Variants in PCDH17 observed in about 807,000 individuals in gnomAD.
The protein encoded by PCDH17 is protocadherin 17.
Under a neutral mutation model 67.7 loss-of-function variants are expected in PCDH17, and 21 were observed. The observed-to-expected ratio is 0.31, with a 90% CI of 0.22 to 0.45. PCDH17 has a LOEUF of 0.45. PCDH17 is among the 20% of genes least tolerant of loss of function. The probability of loss-of-function intolerance (pLI) is 1.00; values close to 1 mark genes in which losing one functional copy is unlikely to be tolerated. For missense variants in PCDH17, 1,471 were observed against 1,564.8 expected (o/e 0.94, Z 1.01); for synonymous variants, 701 against 656.7 (o/e 1.07, Z -1.03).
At chr13:57,721,691 A>G (rs1955873041) in intron 3 of PCDH17, among the ~76,000 whole-genome samples, 1 of 151,898 alleles carries the variant, frequency 6.6e-6, no homozygotes, top group African/African-American at 2.4e-5. Context: ...CTCCCTCCAC[A>G]CTACACTCTC....
chr13:57,651,845 A>ATTG (rs974820195), intron 1 of PCDH17, among the ~76,000 whole-genome samples: 1 of 152,086 alleles, frequency 6.6e-6, no homozygotes, highest in Non-Finnish European at 1.5e-5. Flanking sequence ...ACATATTATT[A>ATTG]TTGTTGTTAA....
rs1954762475 is a variant in PCDH17, at chr13:57,633,524, G to A, written c.978G>A (p.Leu326=). The change falls in exon 1 of 4, where the codon CTG becomes CTA. Residue 326 remains leucine (L), a synonymous_variant. Transcript: ENST00000377918. The surrounding 1 kb of genome is among the most constrained non-coding windows in gnomAD (Gnocchi z 6.2). ...MLEIDVQARD[L]GPNPIPAHCK... ...AGATTGACGTGCAGGCCCGAGACCT[G>A]GGGCCTAACCCTATCCCAGCCCACT... 6.2e-7 allele frequency: 1 copy of A among 1,613,742 alleles called. No individual in the cohort carries two copies. Among genetic ancestry groups the A allele is most frequent in the Non-Finnish European group, 8.5e-7 (1 of 1,180,030 alleles).
At chr13:57,643,408 A>G (rs1472175126) in intron 1 of PCDH17, among the ~76,000 whole-genome samples, 1 of 151,678 alleles carries the variant, frequency 6.6e-6, no homozygotes, top group Admixed American at 6.6e-5. Flanking sequence ...TACATTTTAT[A>G]TAAATTATTA....
At position 57,729,136 on chromosome 13, in the gene PCDH17, C is replaced by T. The variant is rs1371881640; in HGVS notation, c.*3842C>T. The T allele has an allele frequency of 1.3e-5, 2 of 152,052 alleles. No homozygotes were observed. The highest frequency in any genetic ancestry group is 4.8e-5 in the African/African-American group (2 of 41,408). The allele number at this position is 152,052 out of a possible 1,614,324, so 9.4% of individuals were successfully genotyped here. A position where few individuals can be genotyped will look rare whatever the true frequency, so the allele number is the denominator to read the frequency against. The stretch of plus-strand genomic sequence containing the variant: ...CAGTGTTTTGCAGGTTGGCTATTTC[C>T]ATTATCAGCCCATCACTCCATAAAG... On this transcript the variant is annotated 3_prime_UTR_variant, in exon 4 of 4. Transcript: ENST00000377918.
intron 3 of PCDH17, among the ~76,000 whole-genome samples, chr13:57,712,211 T>G (rs555269980): frequency 6.6e-6 from 1 of 151,742 alleles, no homozygotes; most frequent in South Asian, 2.1e-4. Flanking sequence ...ATTTTAATAC[T>G]GGATAACTTT....
intron 3 of PCDH17, among the ~76,000 whole-genome samples, chr13:57,685,941 T>G (rs1022904664): frequency 6.6e-6 from 1 of 151,686 alleles, no homozygotes; most frequent in Admixed American, 6.6e-5. Context: ...TTTTCTAAAA[T>G]AGCCAGGCAT....
Position 57,688,305 on chromosome 13 carries a change from CCT to C in PCDH17, c.2797+21473_2797+21474del, listed in dbSNP as rs368505555. ...TCCAGCCTGGGTGACAGAGTGAGACCCTGTCTCAAAAATAAAATAAATATAAA... is the reference window on the plus strand; with the variant it reads ...TCCAGCCTGGGTGACAGAGTGAGACCGTCTCAAAAATAAAATAAATATAAA... On this transcript the variant is annotated intron_variant, in intron 3 of 3. Coordinates refer to ENST00000377918, the MANE Select transcript of PCDH17 (RefSeq NM_001040429.3). Among the ~76,000 whole-genome samples, 544 of 151,604 alleles carry C rather than the reference CCT, an allele frequency of 3.6e-3. 10 individuals are homozygous for C. The highest frequency in any genetic ancestry group is 1.7e-3 in the Non-Finnish European group (116 of 67,848).
intron 3 of PCDH17, among the ~76,000 whole-genome samples, chr13:57,668,879 A>G (rs1337698141): frequency 1.3e-5 from 2 of 152,106 alleles, no homozygotes; most frequent in African/African-American, 4.8e-5. Context: ...TCTAGGGTAC[A>G]TGTGCACAAC....
chr13:57,708,568 T>G (rs1044392513), intron 3 of PCDH17, among the ~76,000 whole-genome samples: 1 of 151,952 alleles, frequency 6.6e-6, no homozygotes, highest in Non-Finnish European at 1.5e-5. Flanking sequence ...GAGGGTATAC[T>G]TTAAAAATAG....
Position 57,719,154 on chromosome 13 carries a change from G to A in PCDH17, c.2798-5458G>A, listed in dbSNP as rs966282749. ...AAATTAGAAACAAAAAAAGAATAAC[G>A]GGAACAAATAAAAACTGGACTTCCA... On this transcript the variant is annotated intron_variant, in intron 3 of 3. Coordinates refer to ENST00000377918, the MANE Select transcript of PCDH17 (RefSeq NM_001040429.3). Among the ~76,000 whole-genome samples the A allele has an allele frequency of 2.6e-5, 4 of 151,948 alleles. No homozygotes were observed. The East Asian group carries it at 7.8e-4, about 29-fold the overall frequency.
intron 3 of PCDH17, among the ~76,000 whole-genome samples, chr13:57,670,080 G>A (rs559515405): frequency 6.6e-6 from 1 of 152,046 alleles, no homozygotes; most frequent in East Asian, 1.9e-4. Context: ...GTTATAAGTA[G>A]TGAAGGCAGT....
At chr13:57,681,774 C>T (rs1458025471) in intron 3 of PCDH17, among the ~76,000 whole-genome samples, 1 of 151,750 alleles carries the variant, frequency 6.6e-6, no homozygotes, top group East Asian at 1.9e-4. Context: ...CATTCAGTGC[C>T]TCTCAGTGCC....
intron 3 of PCDH17, among the ~76,000 whole-genome samples, chr13:57,686,953 T>G (rs2138056209): frequency 6.6e-6 from 1 of 152,126 alleles, no homozygotes; most frequent in East Asian, 1.9e-4. Context: ...TATTTGAAAT[T>G]CCAGCATTTT....
chr13:57,713,879 C>T (rs1955797623), intron 3 of PCDH17, among the ~76,000 whole-genome samples: 1 of 151,258 alleles, frequency 6.6e-6, no homozygotes. Context: ...TTTAAAAAAA[C>T]CTTTTGTATT....
At chr13:57,688,722 C>G (rs1284670123) in intron 3 of PCDH17, among the ~76,000 whole-genome samples, 1 of 152,018 alleles carries the variant, frequency 6.6e-6, no homozygotes, top group Non-Finnish European at 1.5e-5. Flanking sequence ...GAATTAAAAT[C>G]AGTTGCAGTA....
At chr13:57,642,524 T>C (rs1954918087) in intron 1 of PCDH17, among the ~76,000 whole-genome samples, 2 of 151,692 alleles carry the variant, frequency 1.3e-5, no homozygotes, top group Admixed American at 1.3e-4. Context: ...GTAATTTCTT[T>C]GCAACAACTA....
In PCDH17 at chr13:57,695,089, T is replaced by C. The variant is rs926915488; in HGVS notation, c.2797+28256T>C. ...CATTTATCCAGTTGAATTGAATTTT[T>C]AGAAAAGTCTCCTACTGCCTGAAAA... On this transcript the variant is annotated intron_variant, in intron 3 of 3. Coordinates refer to ENST00000377918, the MANE Select transcript of PCDH17 (RefSeq NM_001040429.3). 2.0e-5 allele frequency among the ~76,000 whole-genome samples: 3 copies of C among 151,256 alleles called. No individual in the cohort carries two copies. The East Asian group carries it at 5.8e-4, about 29-fold the overall frequency.
chr13:57,696,317 A>AT (rs1955608145), intron 3 of PCDH17, among the ~76,000 whole-genome samples: 1 of 151,398 alleles, frequency 6.6e-6, no homozygotes, highest in Non-Finnish European at 1.5e-5. Context: ...TTAAATCTTT[A>AT]TTTTTAGACA....
At chr13:57,630,127 GGA>G (rs1237832360), upstream of PCDH17, among the ~76,000 whole-genome samples, 2 of 152,224 alleles carry the variant, frequency 1.3e-5, no homozygotes, top group Admixed American at 6.5e-5. Flanking sequence ...GAGACGCTGG[GGA>G]GAGAGCAGGG....
Sources: gnomAD v4.1 joint callset for allele counts (sites outside exome capture counted in the v4.1 genomes callset) on GRCh38, gnomAD v4.1.1 for gene constraint, Gnocchi (gnomAD v3.1) non-coding constraint, MANE v1.5 for transcripts, NCBI Gene and HGNC (gene_info 2026-07-23, HGNC 2026-07-21) for gene names.